The following HMBOX1 variants were observed in gnomAD, a reference collection of about 807,000 sequenced individuals.
HMBOX1 encodes homeobox containing 1, also known as homeobox-containing protein 1.
In HMBOX1, 14 loss-of-function variants were observed where a neutral mutation model predicts 54.5. That is an observed-to-expected ratio of 0.26 (90% CI 0.17 to 0.40). The LOEUF is 0.40. HMBOX1 is among the 10% of genes least tolerant of loss of function. The pLI, the probability that HMBOX1 is intolerant of heterozygous loss-of-function variation, is 1.00. For synonymous variants in HMBOX1, 160 were observed against 181.0 expected, an observed-to-expected ratio of 0.88 and a Z score of 0.93; for missense variants, 332 against 514.4, an observed-to-expected ratio of 0.65 and a Z score of 3.43.
At chr8:29,009,265 G>GT (rs1833891469) in intron 5 of HMBOX1, 83 bp downstream of exon 5, 1 of 1,216,798 alleles carries the variant, frequency 8.2e-7, no homozygotes, top group Admixed American at 1.9e-5. Flanking sequence ...GTGCTAACTT[G>GT]TTCAGTAAGA....
At chr8:28,936,219 C>T (rs1015543748) in intron 1 of HMBOX1, among the ~76,000 whole-genome samples, 5 of 151,968 alleles carry the variant, frequency 3.3e-5, no homozygotes, top group Admixed American at 2.6e-4. Context: ...TTTATTTTAA[C>T]CCTCTGATTC....
At chr8:29,015,441 AC>A in intron 5 of HMBOX1, among the ~76,000 whole-genome samples, 1 of 152,320 alleles carries the variant, frequency 6.6e-6, no homozygotes, top group Admixed American at 6.5e-5. Context: ...AGCCATGATA[AC>A]CGGTTGGCTC....
At chr8:28,988,122 C>T (rs1260599248) in intron 4 of HMBOX1, among the ~76,000 whole-genome samples, 2 of 152,204 alleles carry the variant, frequency 1.3e-5, no homozygotes, top group Non-Finnish European at 2.9e-5. Flanking sequence ...CATTCATCTG[C>T]ATTCCTTCAC....
chr8:29,022,770 C>A (rs1801386324), intron 6 of HMBOX1, among the ~76,000 whole-genome samples: 1 of 145,966 alleles, frequency 6.9e-6, no homozygotes, highest in South Asian at 2.1e-4. Context: ...AAAAGAGAAA[C>A]AACTTAGAAG....
chr8:29,043,453 A>G (rs1003648605), intron 6 of HMBOX1, among the ~76,000 whole-genome samples: 3 of 152,166 alleles, frequency 2.0e-5, no homozygotes, highest in Admixed American at 6.5e-5. Flanking sequence ...ATGGCATTTC[A>G]CCACAGGATA....
chr8:28,968,351 T>C (rs77835349), intron 2 of HMBOX1, among the ~76,000 whole-genome samples: 2,345 of 152,330 alleles, frequency 0.015, 40 homozygotes, highest in African/African-American at 0.04. Flanking sequence ...GAATAGCCTG[T>C]GTGCCAAATC....
intron 1 of HMBOX1, among the ~76,000 whole-genome samples, chr8:28,897,764 G>C (rs1394386846): frequency 6.6e-6 from 1 of 152,190 alleles, no homozygotes; most frequent in Non-Finnish European, 1.5e-5. Flanking sequence ...GTTAGAATCT[G>C]TGTTAGATAA....
chr8:28,936,057 C>T (rs1410470629), intron 1 of HMBOX1, among the ~76,000 whole-genome samples: 1 of 151,932 alleles, frequency 6.6e-6, no homozygotes, highest in East Asian at 1.9e-4. Flanking sequence ...TCATCATCAC[C>T]ATTGTTATTA....
At chr8:28,895,243 G>A (rs1273032123) in intron 1 of HMBOX1, among the ~76,000 whole-genome samples, 3 of 152,196 alleles carry the variant, frequency 2.0e-5, no homozygotes, top group Admixed American at 6.5e-5. Flanking sequence ...TACTGTATAC[G>A]TATTAAGTAG....
chr8:28,909,345 C>T (rs1277824973), intron 1 of HMBOX1, among the ~76,000 whole-genome samples: 1 of 151,948 alleles, frequency 6.6e-6, no homozygotes, highest in Non-Finnish European at 1.5e-5. Flanking sequence ...AAATGGGTAA[C>T]TAGAAAAATT....
At chr8:29,010,134 C>T (rs2132854883) in intron 5 of HMBOX1, 1 of 977,678 alleles carries the variant, frequency 1.0e-6, no homozygotes, top group Admixed American at 6.1e-5. Context: ...CAGAAAAGAA[C>T]CTATCAACCT....
intron 5 of HMBOX1, among the ~76,000 whole-genome samples, chr8:29,013,432 C>T (rs1197531579): frequency 6.6e-6 from 1 of 152,196 alleles, no homozygotes. Flanking sequence ...CCGCACCCAG[C>T]GGAAGTTCTT....
At chr8:29,045,088 G>T (rs1563641769) in intron 6 of HMBOX1, among the ~76,000 whole-genome samples, 1 of 152,142 alleles carries the variant, frequency 6.6e-6, no homozygotes, top group South Asian at 2.1e-4. Context: ...TCACATGGAG[G>T]TATTCAAATT....
chr8:28,953,791 G>A (rs1563457359), intron 1 of HMBOX1, among the ~76,000 whole-genome samples: 1 of 152,152 alleles, frequency 6.6e-6, no homozygotes, highest in Non-Finnish European at 1.5e-5. Context: ...CAAGCTGGGT[G>A]ATAGGTATAT....
chr8:28,949,737 T>G (rs757261257), intron 1 of HMBOX1: 2 of 152,254 alleles, frequency 1.3e-5, no homozygotes, highest in Non-Finnish European at 2.9e-5. Context: ...CCTGCTCTTA[T>G]GCTCACATTC....
intron 1 of HMBOX1, among the ~76,000 whole-genome samples, chr8:28,925,309 G>A (rs566295133): frequency 1.3e-5 from 2 of 152,092 alleles, no homozygotes; most frequent in Non-Finnish European, 2.9e-5. Flanking sequence ...ACTTTAAAGG[G>A]AGAATAACCC....
intron 6 of HMBOX1, among the ~76,000 whole-genome samples, chr8:29,043,914 G>A (rs944388591): frequency 2.6e-5 from 4 of 152,136 alleles, no homozygotes; most frequent in African/African-American, 9.7e-5. Flanking sequence ...AATCATGCAG[G>A]AAGAGATGCT....
chr8:28,900,254 C>CAAAAAA (rs1215445461), intron 1 of HMBOX1, among the ~76,000 whole-genome samples: 1 of 94,886 alleles, frequency 1.1e-5, no homozygotes, highest in Non-Finnish European at 1.9e-5. Context: ...GATTCCGTCT[C>CAAAAAA]AAAAAAAAAA....
chr8:29,010,674 G>C (rs1016907394), intron 5 of HMBOX1, among the ~76,000 whole-genome samples: 2 of 151,884 alleles, frequency 1.3e-5, no homozygotes, highest in Admixed American at 1.3e-4. Context: ...AAGATAATCT[G>C]TATTACCACA....
Sources: gnomAD v4.1 joint callset for allele counts (sites outside exome capture counted in the v4.1 genomes callset) on GRCh38, gnomAD v4.1.1 for gene constraint, MANE v1.5 for transcripts, NCBI Gene and HGNC (gene_info 2026-07-23, HGNC 2026-07-21) for gene names.